Variants in FBXL2 observed in about 807,000 individuals in gnomAD.
The protein encoded by FBXL2 is F-box/LRR-repeat protein 2.
In FBXL2, 38 loss-of-function variants were observed where a neutral mutation model predicts 69.2. That is an observed-to-expected ratio of 0.55 (90% CI 0.42 to 0.72). The LOEUF (loss-of-function observed/expected upper bound fraction) is 0.72. FBXL2 is among the 30% of genes least tolerant of loss of function. The pLI is 0.00. For missense variants in FBXL2, 354 were observed against 520.3 expected, an observed-to-expected ratio of 0.68 and a Z score of 3.11; for synonymous variants, 192 against 201.3, an observed-to-expected ratio of 0.95 and a Z score of 0.39.
chr3:33,416,503 T>C, the FBXL2 span, among the ~76,000 whole-genome samples: 1 of 152,264 alleles, frequency 6.6e-6, no homozygotes, highest in African/African-American at 2.4e-5. Context: ...TATAGGTTTT[T>C]GTTGTGGTGA....
intron 12 of FBXL2, chr3:33,397,154 A>AT (rs772833111): frequency 6.5e-7 from 1 of 1,548,668 alleles, no homozygotes. Flanking sequence ...GAGCAAAAAT[A>AT]TTTTTCTCAA....
chr3:33,363,355 G>A (rs745430858), intron 4 of FBXL2, among the ~76,000 whole-genome samples: 3 of 152,196 alleles, frequency 2.0e-5, no homozygotes, highest in African/African-American at 4.8e-5. Flanking sequence ...TGGTTTTGAT[G>A]TATCCTGGTG....
At chr3:33,296,182 C>T (rs1283991279) in intron 1 of FBXL2, among the ~76,000 whole-genome samples, 2 of 152,178 alleles carry the variant, frequency 1.3e-5, no homozygotes, top group East Asian at 1.9e-4. Flanking sequence ...TCTCCCACCT[C>T]AGCCTCCTGA....
chr3:33,310,004 GA>G (rs1049129228), intron 2 of FBXL2, among the ~76,000 whole-genome samples: 15 of 149,572 alleles, frequency 1.0e-4, no homozygotes, highest in South Asian at 4.2e-4. Context: ...CTACAAAAAG[GA>G]AAAAAAAAGT....
At chr3:33,279,039 A>T (rs893896305) in intron 1 of FBXL2, among the ~76,000 whole-genome samples, 57 of 152,184 alleles carry the variant, frequency 3.7e-4, no homozygotes, top group African/African-American at 1.3e-3. Flanking sequence ...ACTATTGTGA[A>T]TTTTAGAGTT....
At chr3:33,285,307 T>C (rs1197332971) in intron 1 of FBXL2, among the ~76,000 whole-genome samples, 1 of 152,202 alleles carries the variant, frequency 6.6e-6, no homozygotes, top group East Asian at 1.9e-4. Context: ...TGAAGCTTAG[T>C]TTGGCTGGAT....
At chr3:33,356,341 C>T (rs1453301680) in intron 2 of FBXL2, among the ~76,000 whole-genome samples, 1 of 151,842 alleles carries the variant, frequency 6.6e-6, no homozygotes, top group African/African-American at 2.4e-5. Flanking sequence ...AGGAGTTGCT[C>T]GAGTTGGTTT....
chr3:33,361,370 G>A (rs2041616636), intron 4 of FBXL2, among the ~76,000 whole-genome samples: 1 of 151,988 alleles, frequency 6.6e-6, no homozygotes, highest in Admixed American at 6.6e-5. Context: ...AGTTAGCCAG[G>A]CACAATGGCA....
chr3:33,283,293 C>A, intron 1 of FBXL2, among the ~76,000 whole-genome samples: 1 of 152,176 alleles, frequency 6.6e-6, no homozygotes. Flanking sequence ...TTTTCTGCAT[C>A]TATTGAGATA....
At chr3:33,359,244 T>G (rs2041438082) in intron 3 of FBXL2, 39 bp from the exon 4 acceptor site, 1 of 1,546,782 alleles carries the variant, frequency 6.5e-7, no homozygotes, top group Admixed American at 1.8e-5. Context: ...ATGTGTTTCT[T>G]TCATCCCAAT....
In FBXL2 at chr3:33,384,102, T is replaced by C. The variant is rs1481171635; in HGVS notation, c.1065T>C (p.Thr355=). ...VLELDNCLLI[T]DVALEHLENC... ...AGTTGGACAACTGCCTCCTCATCAC[T>C]GATGTGGCCCTGGAACACCTAGAGA... The change falls in exon 14 of 15, where the codon ACT becomes ACC. Residue 355 remains threonine, a synonymous_variant. Transcript: ENST00000484457. The C allele has an allele frequency of 6.2e-7, 1 of 1,614,118 alleles. No individual in the cohort carries two copies. The highest frequency in any genetic ancestry group is 1.7e-5 in the Admixed American group (1 of 60,020).
intron 2 of FBXL2, among the ~76,000 whole-genome samples, chr3:33,320,272 C>A (rs2125791840): frequency 6.6e-6 from 1 of 152,026 alleles, no homozygotes; most frequent in South Asian, 2.1e-4. Flanking sequence ...AGAAACAGAC[C>A]AATGCATGGG....
chr3:33,292,344 A>G (rs149977759), intron 1 of FBXL2, among the ~76,000 whole-genome samples: 1 of 152,286 alleles, frequency 6.6e-6, no homozygotes, highest in Non-Finnish European at 1.5e-5. Context: ...ATGCCACTGC[A>G]CTCCAGCCTG....
At chr3:33,328,801 ATG>A (rs60685309) in intron 2 of FBXL2, among the ~76,000 whole-genome samples, 14,438 of 146,342 alleles carry the variant, frequency 0.099, 1,419 homozygotes, top group African/African-American at 0.26. Context: ...GTGTGTGTGC[ATG>A]TGTGTGTGTG....
intron 1 of FBXL2, among the ~76,000 whole-genome samples, chr3:33,286,133 G>A (rs928904362): frequency 2.0e-5 from 3 of 152,162 alleles, no homozygotes; most frequent in Non-Finnish European, 4.4e-5. Flanking sequence ...AGAATTTTCA[G>A]CTTTTCTGCT....
chr3:33,281,133 T>A (rs549527941), intron 1 of FBXL2, among the ~76,000 whole-genome samples: 13 of 152,334 alleles, frequency 8.5e-5, no homozygotes, highest in African/African-American at 3.1e-4. Flanking sequence ...ATGGGCCATG[T>A]TGGTGTGCTG....
intron 2 of FBXL2, among the ~76,000 whole-genome samples, chr3:33,339,316 C>T (rs1369100786): frequency 3.9e-5 from 6 of 152,156 alleles, no homozygotes; most frequent in African/African-American, 9.7e-5. Context: ...AATCCTTATA[C>T]ACTACTGGTG....
At chr3:33,374,362 C>T (rs2042499277) in intron 9 of FBXL2, among the ~76,000 whole-genome samples, 1 of 152,044 alleles carries the variant, frequency 6.6e-6, no homozygotes, top group South Asian at 2.1e-4. Context: ...TAGGCAAGAG[C>T]AAGGTGGCAT....
At chr3:33,398,777 T>A (rs2044109137) in intron 12 of FBXL2, among the ~76,000 whole-genome samples, 1 of 152,246 alleles carries the variant, frequency 6.6e-6, no homozygotes, top group African/African-American at 2.4e-5. Context: ...ATGTGGGGCC[T>A]CCTTCAGTTC....
Sources: allele counts gnomAD v4.1 joint callset (sites outside exome capture counted in the v4.1 genomes callset), GRCh38; gene constraint gnomAD v4.1.1; transcripts MANE v1.5; gene names NCBI Gene and HGNC (gene_info 2026-07-23, HGNC 2026-07-21).